KIN: variants seen among roughly 807,000 people sequenced by gnomAD.
KIN encodes the protein DNA/RNA-binding protein KIN17.
A neutral mutation model predicts 63.0 loss-of-function variants in KIN; 47 were observed. The observed-to-expected ratio is 0.75, with a 90% CI of 0.59 to 0.95. KIN has a LOEUF of 0.95. Ranked by LOEUF, KIN falls within the 40% of genes least tolerant of loss-of-function variation. The probability of loss-of-function intolerance (pLI) is 0.00; values close to 1 mark genes in which losing one functional copy is unlikely to be tolerated. For missense variants in KIN, 408 were observed against 460.9 expected (o/e 0.89, Z 1.05); for synonymous variants, 160 against 157.7 (o/e 1.01, Z -0.11).
At chr10:7,765,174 A>AT (rs1450034795) in intron 9 of KIN, among the ~76,000 whole-genome samples, 2 of 151,642 alleles carry the variant, frequency 1.3e-5, no homozygotes, top group Non-Finnish European at 2.9e-5. Context: ...AAAAAAAAAA[A>AT]AAAAAATTCG....
Position 7,778,959 on chromosome 10 carries a change from G to T in KIN, c.437C>A (p.Pro146Gln), listed in dbSNP as rs745992781. The change falls in exon 5 of 13, where the codon CCA (proline) becomes CAA (glutamine). Residue 146 changes from proline (P) to glutamine (Q), a missense_variant. Pro to Gln is a moderately conservative substitution (Grantham distance 76, BLOSUM62 -1). Transcript: ENST00000379562. ...TTCCAGTTGCCGGCGGATAGTTTCT[G>T]GGTCCCTGTCTATGTACTGAATATA... ...GWYIQYIDRDPETIRRQLELE... is the reference protein window; with the variant it reads ...GWYIQYIDRDQETIRRQLELE... The T allele has an allele frequency of 6.2e-7, 1 of 1,613,952 alleles. No individual in the cohort carries two copies. Among genetic ancestry groups the T allele is most frequent in the East Asian group, 2.2e-5 (1 of 44,884 alleles).
intron 4 of KIN, among the ~76,000 whole-genome samples, chr10:7,779,222 A>T (rs1249154562): frequency 6.6e-6 from 1 of 152,176 alleles, no homozygotes; most frequent in Non-Finnish European, 1.5e-5. Context: ...AGCCTGGCCA[A>T]CATGGTGAAT....
At chr10:7,766,173 T>A in intron 8 of KIN, 70 bp from the exon 9 acceptor site, 1 of 1,076,782 alleles carries the variant, frequency 9.3e-7, no homozygotes, top group Non-Finnish European at 1.4e-6. Context: ...CCATTCTATT[T>A]AGCAAAATAA....
intron 8 of KIN, among the ~76,000 whole-genome samples, chr10:7,766,742 G>A (rs1270791483): frequency 6.6e-6 from 1 of 152,088 alleles, no homozygotes; most frequent in Admixed American, 6.6e-5. Flanking sequence ...CCTAATTTTA[G>A]GCTGGGCGCG....
chr10:7,756,274 G>A, intron 12 of KIN, 132 bp from the exon 13 acceptor site: 1 of 499,368 alleles, frequency 2.0e-6, no homozygotes, highest in South Asian at 3.7e-5. Context: ...GTTAACATTT[G>A]TATACATCTA....
intron 5 of KIN, among the ~76,000 whole-genome samples, chr10:7,776,500 C>T (rs1402619441): frequency 4.6e-5 from 7 of 151,046 alleles, no homozygotes; most frequent in Non-Finnish European, 8.8e-5. Flanking sequence ...GGAGATCGTG[C>T]CACTTCACTC....
At chr10:7,781,421 G>T (rs912101292) in intron 2 of KIN, among the ~76,000 whole-genome samples, 5 of 152,154 alleles carry the variant, frequency 3.3e-5, no homozygotes, top group Admixed American at 3.3e-4. Context: ...TCATGCGAAA[G>T]AGGCTGAGTT....
intron 12 of KIN, 129 bp from the exon 13 acceptor site, chr10:7,756,271 T>G (rs1269891700): frequency 1.9e-6 from 1 of 518,262 alleles, no homozygotes; most frequent in African/African-American, 1.9e-5. Context: ...ATTGTTAACA[T>G]TTGTATACAT....
intron 5 of KIN, among the ~76,000 whole-genome samples, chr10:7,776,000 G>A (rs558630827): frequency 2.2e-4 from 34 of 151,856 alleles, no homozygotes; most frequent in Non-Finnish European, 4.3e-4. Context: ...AGGCCGAGGC[G>A]GGCAGATCAT....
chr10:7,766,011 A>G, intron 9 of KIN, 42 bp downstream of exon 9: 1 of 1,438,824 alleles, frequency 7.0e-7, no homozygotes, highest in South Asian at 1.2e-5. Flanking sequence ...CATTCACTTA[A>G]ACATACATTT....
intron 7 of KIN, among the ~76,000 whole-genome samples, chr10:7,773,652 C>T (rs1323540898): frequency 1.3e-5 from 2 of 152,124 alleles, no homozygotes; most frequent in East Asian, 3.9e-4. Context: ...TTCAGCCTAC[C>T]TATCTCCTTC....
At position 7,780,181 on chromosome 10, in the gene KIN, G is replaced by C. The variant is rs1211706058; in HGVS notation, c.254-3C>G. On this transcript the variant is annotated splice_polypyrimidine_tract_variant and splice_region_variant and intron_variant, in intron 3 of 12. Transcript: ENST00000379562. ...GTTGTTGTGGACCCTTTTAGTGCCT[G>C]AGAACAAAATATGACACTGATGATC... The C allele has an allele frequency of 6.2e-7, 1 of 1,612,910 alleles. No individual in the cohort carries two copies. Among genetic ancestry groups the C allele is most frequent in the African/African-American group, 1.3e-5 (1 of 74,768 alleles).
intron 1 of KIN, among the ~76,000 whole-genome samples, chr10:7,785,363 T>A (rs1835980245): frequency 6.6e-6 from 1 of 151,864 alleles, no homozygotes; most frequent in Admixed American, 6.6e-5. Context: ...TCTAACCCAA[T>A]CAAAGCTTTT....
intron 2 of KIN, among the ~76,000 whole-genome samples, chr10:7,782,158 T>G (rs984413299): frequency 3.9e-5 from 6 of 152,304 alleles, no homozygotes; most frequent in African/African-American, 1.4e-4. Context: ...AAACAGAAGT[T>G]CTTGGGGTCT....
At chr10:7,765,020 G>A (rs929292185) in intron 9 of KIN, among the ~76,000 whole-genome samples, 1 of 152,098 alleles carries the variant, frequency 6.6e-6, no homozygotes, top group Non-Finnish European at 1.5e-5. Context: ...TTAACCGGAT[G>A]TGGTGGCCCA....
At chr10:7,768,091 T>C (rs1835588784) in intron 8 of KIN, among the ~76,000 whole-genome samples, 1 of 152,168 alleles carries the variant, frequency 6.6e-6, no homozygotes, top group South Asian at 2.1e-4. Context: ...TAGGAGTAAA[T>C]TAAGAACCTC....
rs1299875843 is a variant in KIN, at chr10:7,783,082, C to G, written c.208G>C (p.Glu70Gln). Residue 70 changes from glutamate to glutamine, a missense_variant and splice_region_variant, in exon 2 of 13, where the codon GAG becomes CAG. This residue lies in a region of KIN where 110 missense variants were observed against 164.9 expected (regional missense o/e 0.67). Coordinates refer to ENST00000379562, the MANE Select transcript of KIN (RefSeq NM_012311.4). ...NPQQFMDYFS[E>Q]EFRNDFLELL... Reference sequence around the variant, plus strand: ...TAAAGAGTTCTTTGAGTTACTTACTCTGAAAAATAATCCATAAACTGCTGA... The same window carrying G: ...TAAAGAGTTCTTTGAGTTACTTACTGTGAAAAATAATCCATAAACTGCTGA... 1.3e-6 allele frequency: 2 copies of G among 1,561,658 alleles called. No individual in the cohort carries two copies. Among genetic ancestry groups the G allele is most frequent in the Non-Finnish European group, 1.8e-6 (2 of 1,142,526 alleles).
chr10:7,761,344 A>G (rs565566523), intron 11 of KIN: 1 of 152,228 alleles, frequency 6.6e-6, no homozygotes, highest in East Asian at 1.9e-4. Flanking sequence ...TTATCACTAC[A>G]TTGGCAATGA....
At chr10:7,787,386 T>C (rs964837357) in intron 1 of KIN, among the ~76,000 whole-genome samples, 2 of 152,206 alleles carry the variant, frequency 1.3e-5, no homozygotes, top group Admixed American at 6.5e-5. Context: ...AGATGAGTAG[T>C]GTGGAAGAGC....
Sources: gnomAD v4.1 joint callset for allele counts (sites outside exome capture counted in the v4.1 genomes callset) on GRCh38, gnomAD v4.1.1 for gene constraint, gnomAD v4.1.1 regional missense constraint, MANE v1.5 for transcripts, NCBI Gene and HGNC (gene_info 2026-07-23, HGNC 2026-07-21) for gene names.